Variants in RAD51B observed in about 807,000 individuals in gnomAD.
The protein encoded by RAD51B is DNA repair protein RAD51 homolog 2.
RAD51B carries 38 observed loss-of-function variants against 42.2 expected under a neutral mutation model. The observed-to-expected ratio is 0.90, with a 90% confidence interval of 0.70 to 1.18. The LOEUF is 1.18. RAD51B is among the 50% of genes most tolerant of loss of function. The pLI is 0.00. For synonymous variants in RAD51B, 154 were observed against 145.2 expected (o/e 1.06, Z -0.43); for missense variants, 373 against 400.7 (o/e 0.93, Z 0.59).
chr14:68,003,323 G>T (rs2075521708), intron 7 of RAD51B, among the ~76,000 whole-genome samples: 2 of 152,106 alleles, frequency 1.3e-5, no homozygotes, highest in Non-Finnish European at 2.9e-5. Flanking sequence ...CTCTTGGATT[G>T]CCTGTTTGTG....
intron 7 of RAD51B, among the ~76,000 whole-genome samples, chr14:68,065,279 G>A (rs966859382): frequency 6.6e-5 from 10 of 152,196 alleles, no homozygotes; most frequent in Non-Finnish European, 1.5e-4. Flanking sequence ...GCAGAGTTGT[G>A]TGAGGCTGGC....
intron 10 of RAD51B, among the ~76,000 whole-genome samples, chr14:68,470,225 A>C (rs1209742818): frequency 6.6e-6 from 1 of 152,228 alleles, no homozygotes. Flanking sequence ...AGGAGACCTC[A>C]GAACCTCACC....
chr14:68,460,231 C>T (rs2085808666), intron 9 of RAD51B, among the ~76,000 whole-genome samples: 1 of 152,136 alleles, frequency 6.6e-6, no homozygotes, highest in Admixed American at 6.5e-5. Flanking sequence ...GCAGGTGGAT[C>T]ACCTGAGGTC....
chr14:68,410,609 G>C (rs1004699162), intron 8 of RAD51B, among the ~76,000 whole-genome samples: 1 of 152,148 alleles, frequency 6.6e-6, no homozygotes. Flanking sequence ...GGGCACAGGG[G>C]TTCAGAGGAG....
At position 67,906,059 on chromosome 14, in the gene RAD51B, C is replaced by T. The variant is rs117667254; in HGVS notation, c.756+18855C>T. Among the ~76,000 whole-genome samples the T allele has an allele frequency of 9.7e-4, 148 of 152,058 alleles. 1 individual carries two copies. The East Asian group carries it at 0.018, about 18-fold the overall frequency. ...GTCATAGATGAGTCTTCTTATTCTG[C>T]GGTATGTTTCTTCAGTACCTAGTTT... On this transcript the variant is annotated intron_variant, in intron 7 of 10. Coordinates refer to ENST00000471583, the MANE Select transcript of RAD51B (RefSeq NM_133510.4).
intron 7 of RAD51B, among the ~76,000 whole-genome samples, chr14:68,159,237 C>G (rs1350112452): frequency 6.6e-6 from 1 of 151,930 alleles, no homozygotes; most frequent in African/African-American, 2.4e-5. Context: ...ACTATCATGT[C>G]TACCTTGTCT....
intron 5 of RAD51B, among the ~76,000 whole-genome samples, chr14:67,874,484 A>T (rs927957207): frequency 6.6e-6 from 1 of 151,976 alleles, no homozygotes; most frequent in South Asian, 2.1e-4. Flanking sequence ...GTGGCCCTAG[A>T]CAATTCTTTT....
chr14:67,875,952 C>T (rs974184962), intron 5 of RAD51B, among the ~76,000 whole-genome samples: 2 of 152,086 alleles, frequency 1.3e-5, no homozygotes, highest in East Asian at 1.9e-4. Flanking sequence ...GATAAATTCC[C>T]TCTTAATCAT....
Position 68,031,971 on chromosome 14 carries a change from C to G in RAD51B, c.756+144767C>G, listed in dbSNP as rs144549193. Among the ~76,000 whole-genome samples the G allele has an allele frequency of 1.4e-4, 22 of 152,258 alleles. 1 individual carries two copies. In the East Asian group the frequency reaches 4.2e-3, roughly 29 times the overall value. On this transcript the variant is annotated intron_variant, in intron 7 of 10. Coordinates refer to ENST00000471583, the MANE Select transcript of RAD51B (RefSeq NM_133510.4). ...GAAGGATTTTGATTTTTCTCTGATT[C>G]TATCTTTCTCCCAAATTCTGTATGT...
At chr14:68,343,733 G>A (rs1225231020) in intron 8 of RAD51B, among the ~76,000 whole-genome samples, 1 of 152,238 alleles carries the variant, frequency 6.6e-6, no homozygotes, top group African/African-American at 2.4e-5. Flanking sequence ...CAGACCCAGA[G>A]CATTATGAGG....
At chr14:67,994,196 G>C (rs1239709091) in intron 7 of RAD51B, among the ~76,000 whole-genome samples, 1 of 151,096 alleles carries the variant, frequency 6.6e-6, no homozygotes, top group Non-Finnish European at 1.5e-5. Context: ...TATTGTTAAG[G>C]GGCCCAAAAA....
At chr14:67,930,590 C>T (rs1255136150) in intron 7 of RAD51B, among the ~76,000 whole-genome samples, 1 of 152,144 alleles carries the variant, frequency 6.6e-6, no homozygotes, top group Non-Finnish European at 1.5e-5. Flanking sequence ...TTGTAGGTGA[C>T]TAGACATTTT....
intron 11 of RAD51B, among the ~76,000 whole-genome samples, chr14:68,664,199 T>C (rs1296693973): frequency 2.0e-5 from 3 of 152,210 alleles, no homozygotes; most frequent in African/African-American, 7.2e-5. Context: ...ACATAATTTT[T>C]TAGCAAAGAC....
chr14:68,531,753 C>G (rs902037660), intron 10 of RAD51B, among the ~76,000 whole-genome samples: 5 of 152,074 alleles, frequency 3.3e-5, no homozygotes, highest in African/African-American at 7.2e-5. Context: ...AATCCTAGCA[C>G]TTTGGGAGGC....
downstream of RAD51B, among the ~76,000 whole-genome samples, chr14:68,599,841 C>T (rs1226383204): frequency 1.3e-5 from 2 of 152,220 alleles, no homozygotes; most frequent in Non-Finnish European, 2.9e-5. Flanking sequence ...CCTTTCGGAA[C>T]CACTTCACAT....
rs561331818 is a variant in RAD51B, at chr14:68,294,454, T to TAC, written c.853+2484_853+2485dup. On this transcript the variant is annotated intron_variant, in intron 8 of 10. Transcript: ENST00000471583. ...CAATGGATGTTAAGTTCCTGTGATT[T>TAC]ACACACACACAGACATGCACACGCA... is the stretch of plus-strand genomic sequence containing the variant. Among the ~76,000 whole-genome samples, 15 of 152,324 alleles carry TAC rather than the reference T, an allele frequency of 9.8e-5. No individual in the cohort carries two copies. In the East Asian group the frequency reaches 2.9e-3, roughly 29 times the overall value.
intron 10 of RAD51B, among the ~76,000 whole-genome samples, chr14:68,503,835 T>A (rs1046048067): frequency 6.6e-6 from 1 of 152,236 alleles, no homozygotes; most frequent in African/African-American, 2.4e-5. Context: ...AGAAATTCTC[T>A]GAGGCGCTAA....
intron 10 of RAD51B, among the ~76,000 whole-genome samples, chr14:68,592,289 G>A (rs1442779705): frequency 2.0e-5 from 3 of 151,084 alleles, no homozygotes; most frequent in Non-Finnish European, 4.4e-5. Flanking sequence ...GTGTGTGTAT[G>A]TGTGTGTATC....
intron 4 of RAD51B, among the ~76,000 whole-genome samples, chr14:67,851,740 C>G (rs540282397): frequency 6.6e-6 from 1 of 152,206 alleles, no homozygotes; most frequent in South Asian, 2.1e-4. Flanking sequence ...TGTTCCCTCC[C>G]TAGCCTAGAA....
Sources: allele counts gnomAD v4.1 joint callset (sites outside exome capture counted in the v4.1 genomes callset), GRCh38; gene constraint gnomAD v4.1.1; transcripts MANE v1.5; gene names NCBI Gene and HGNC (gene_info 2026-07-23, HGNC 2026-07-21).